Variants in PHOX2A observed in about 807,000 individuals in gnomAD.
The protein encoded by PHOX2A is paired mesoderm homeobox protein 2A.
PHOX2A carries 10 observed loss-of-function variants against 16.4 expected under a neutral mutation model. That is an observed-to-expected ratio of 0.61 (90% confidence interval 0.38 to 1.04). The LOEUF (loss-of-function observed/expected upper bound fraction) is 1.04, where lower values mean the gene tolerates loss of function less well. Among genes scored for constraint, PHOX2A ranks in the 50% least tolerant of loss-of-function variants. PHOX2A has a pLI of 0.01. For missense variants in PHOX2A, 361 were observed against 419.4 expected, an observed-to-expected ratio of 0.86 and a Z score of 1.22; for synonymous variants, 219 against 203.8, an observed-to-expected ratio of 1.07 and a Z score of -0.64.
rs1166106486 is a variant in PHOX2A at position 72,239,318 on chromosome 11, G to C, written c.*431C>G. 6.4e-6 allele frequency: 1 copy of C among 157,216 alleles called. No homozygotes were observed. The highest frequency in any genetic ancestry group is 1.4e-5 in the Non-Finnish European group (1 of 71,646). The allele number at this position is 157,216 out of a possible 1,614,324, so 9.7% of individuals were successfully genotyped here. On this transcript the variant is annotated 3_prime_UTR_variant, in exon 3 of 3. Transcript: ENST00000298231. ...ATTATCCCGGCGACCACCAGCCTCT[G>C]TACGGGTGGGCCCGAGGGGTGGGGC... is the stretch of plus-strand genomic sequence containing the variant.
At chr11:72,242,437 G>T (rs1161978576) in intron 1 of PHOX2A, among the ~76,000 whole-genome samples, 1 of 151,964 alleles carries the variant, frequency 6.6e-6, no homozygotes, top group Non-Finnish European at 1.5e-5. Context: ...AGGATTTCCA[G>T]TGCTTCCATC....
chr11:72,240,075 A>T lies in PHOX2A; in HGVS notation c.529T>A (p.Ser177Thr), dbSNP rs1949102365. 3.9e-6 allele frequency: 6 copies of T among 1,530,528 alleles called. No individual in the cohort carries two copies. Among genetic ancestry groups the T allele is most frequent in the Non-Finnish European group, 4.4e-6 (5 of 1,143,538 alleles). The allele number at this position is 1,530,528 out of a possible 1,614,324, so 94.8% of individuals were successfully genotyped here. ...EARCSSEDDDSKESTCSPTPD... is the reference protein window; with the variant it reads ...EARCSSEDDDTKESTCSPTPD... ...GTGGGGCTGCACGTGGACTCCTTGG[A>T]ATCGTCGTCCTCGGAGGAGCAGCGC... The change falls in exon 3 of 3, where the codon TCC becomes ACC. Residue 177 changes from serine (S) to threonine (T), a missense_variant. Transcript: ENST00000298231.
chr11:72,239,891 C>A lies in PHOX2A; in HGVS notation c.713G>T (p.Gly238Val). The A allele has an allele frequency of 1.5e-6, 2 of 1,354,970 alleles. No individual in the cohort carries two copies. The highest frequency in any genetic ancestry group is 1.9e-6 in the Non-Finnish European group (2 of 1,042,156). 83.9% of individuals were successfully genotyped at this position (1,354,970 alleles called of 1,614,324 possible). Residue 238 changes from glycine (G) to valine (V), a missense_variant, in exon 3 of 3, where the codon GGT becomes GTT. This residue lies in a region of PHOX2A where 55 missense variants were observed against 101.6 expected (regional missense o/e 0.54). Coordinates refer to ENST00000298231, the MANE Select transcript of PHOX2A (RefSeq NM_005169.4). ...TCCCGCGCCAGGCCCGCCGCCCCCA[C>A]CGCCCGCCACACCGGCCCACAGTGC... ...KGALWAGVAG[G>V]GGGGPGAGAA...
chr11:72,243,778 C>A lies in PHOX2A; in HGVS notation c.217+10G>T. On this transcript the variant is annotated intron_variant, in intron 1 of 2. Coordinates refer to ENST00000298231, the MANE Select transcript of PHOX2A (RefSeq NM_005169.4). ...AATTGGAGGGAGGGTTGGGCCGGGG[C>A]TGCGCTCACCTGCCGAGTAGGGCGC... The A allele has an allele frequency of 8.1e-7, 1 of 1,240,686 alleles. No homozygotes were observed. The highest frequency in any genetic ancestry group is 3.4e-5 in the South Asian group (1 of 29,768). The allele number at this position is 1,240,686 out of a possible 1,614,324, so 76.9% of individuals were successfully genotyped here. A position where few individuals can be genotyped will look rare whatever the true frequency, so the allele number is the denominator to read the frequency against.
chr11:72,240,754 C>T (rs1949111141), intron 2 of PHOX2A, among the ~76,000 whole-genome samples: 1 of 152,182 alleles, frequency 6.6e-6, no homozygotes. Context: ...GTAGGGAACC[C>T]CAGGGGTGCT....
In PHOX2A at chr11:72,241,162, G is replaced by A; in HGVS notation, c.345C>T (p.Pro115=). The change falls in exon 2 of 3, where the codon CCC becomes CCT. Residue 115 remains proline (P), a synonymous_variant. Coordinates refer to ENST00000298231, the MANE Select transcript of PHOX2A (RefSeq NM_005169.4). ...LERVFAETHY[P]DIYTREELAL... ...CCAGCTCCTCACGCGTGTAAATGTC[G>A]GGGTAGTGGGTCTCAGCGAAAACGC... 2 of 1,614,012 alleles carry A rather than the reference G, an allele frequency of 1.2e-6. No homozygotes were observed. The highest frequency in any genetic ancestry group is 1.7e-6 in the Non-Finnish European group (2 of 1,180,028).
intron 1 of PHOX2A, 33 bp from the exon 2 acceptor site, chr11:72,241,322 G>T: frequency 1.6e-6 from 1 of 626,608 alleles, no homozygotes; most frequent in Non-Finnish European, 2.7e-6. Context: ...CGGGGGGGGG[G>T]CAAAAAGGAT....
chr11:72,242,326 A>C (rs1454420927), intron 1 of PHOX2A, among the ~76,000 whole-genome samples: 1 of 151,792 alleles, frequency 6.6e-6, no homozygotes, highest in Non-Finnish European at 1.5e-5. Flanking sequence ...CCAGCACCCC[A>C]TTTGTATTCT....
chr11:72,243,123 T>G (rs1370387724), intron 1 of PHOX2A, among the ~76,000 whole-genome samples: 1 of 152,188 alleles, frequency 6.6e-6, no homozygotes, highest in African/African-American at 2.4e-5. Flanking sequence ...ATCTAAAGTC[T>G]TGGGGATGCA....
In PHOX2A at chr11:72,240,004, C is replaced by G. The variant is rs759626324; in HGVS notation, c.600G>C (p.Leu200=). ...GGCTGGGGCTCAGGCGCGGGCTGGC[C>G]AGGCCGGGCGCAGGCGGCGGCGGCA... The part of the protein sequence containing the change: ...ASLPPPPAPG[L]ASPRLSPSPL... Residue 200 remains leucine (L), a synonymous_variant, in exon 3 of 3, where the codon CTG becomes CTC. Coordinates refer to ENST00000298231, the MANE Select transcript of PHOX2A (RefSeq NM_005169.4). The G allele has an allele frequency of 3.6e-5, 51 of 1,413,092 alleles. 2 individuals carry two copies. In the South Asian group the frequency reaches 7.4e-4, roughly 21 times the overall value. 87.5% of individuals were successfully genotyped at this position (1,413,092 alleles called of 1,614,324 possible).
intron 1 of PHOX2A, 33 bp from the exon 2 acceptor site, chr11:72,241,322 G>GGGGCGGGGGGGGGGC: frequency 1.6e-6 from 1 of 626,612 alleles, no homozygotes; most frequent in Non-Finnish European, 2.7e-6. Flanking sequence ...CGGGGGGGGG[G>GGGGCGGGGGGGGGGC]CAAAAAGGAT....
At position 72,240,209 on chromosome 11, in the gene PHOX2A, AG is replaced by A. The variant is rs1416291226; in HGVS notation, c.406-12del. 1.3e-6 allele frequency: 2 copies of A among 1,533,838 alleles called. No homozygotes were observed. The highest frequency in any genetic ancestry group is 1.7e-6 in the Non-Finnish European group (2 of 1,145,452). ...GTTCTGGAACCAGACCTGCGGGCAC[AG>A]GGGCCAGTCAGCCTGGACGAGGGTC... On this transcript the variant is annotated splice_polypyrimidine_tract_variant and intron_variant, in intron 2 of 2. Transcript: ENST00000298231.
chr11:72,239,886 C>G lies in PHOX2A; in HGVS notation c.718G>C (p.Gly240Arg). Residue 240 changes from glycine to arginine, a missense_variant, in exon 3 of 3, where the codon GGC (glycine) becomes CGC (arginine). Transcript: ENST00000298231. ...ALWAGVAGGGGGGPGAGAAEL... is the reference protein window; with the variant it reads ...ALWAGVAGGGRGGPGAGAAEL... Reference sequence around the variant, plus strand: ...GCCGCTCCCGCGCCAGGCCCGCCGCCCCCACCGCCCGCCACACCGGCCCAC... The same window carrying G: ...GCCGCTCCCGCGCCAGGCCCGCCGCGCCCACCGCCCGCCACACCGGCCCAC... The G allele has an allele frequency of 7.4e-7, 1 of 1,360,032 alleles. No individual in the cohort carries two copies. The allele number at this position is 1,360,032 out of a possible 1,614,324, so 84.2% of individuals were successfully genotyped here.
At chr11:72,242,857 G>A (rs969413395) in intron 1 of PHOX2A, among the ~76,000 whole-genome samples, 39 of 151,822 alleles carry the variant, frequency 2.6e-4, no homozygotes, top group Admixed American at 2.0e-4. Flanking sequence ...AATGGAGATG[G>A]GGTTTCACCA....
chr11:72,243,389 C>T (rs964288459), intron 1 of PHOX2A, among the ~76,000 whole-genome samples: 3 of 151,934 alleles, frequency 2.0e-5, no homozygotes, highest in Admixed American at 6.5e-5. Flanking sequence ...TCATGCATCT[C>T]GTGGGGCAGC....
At position 72,241,108 on chromosome 11, in the gene PHOX2A, G is replaced by A. The variant is rs1949116382; in HGVS notation, c.399C>T (p.Arg133=). Residue 133 remains arginine, a synonymous_variant, in exon 2 of 3, where the codon CGC becomes CGT. Coordinates refer to ENST00000298231, the MANE Select transcript of PHOX2A (RefSeq NM_005169.4). Reference sequence around the variant, plus strand: ...CACACGTGCATACACGCACCTGCACGCGAGCCTCAGTGAGGTCGATCTTGA... The same window carrying A: ...CACACGTGCATACACGCACCTGCACACGAGCCTCAGTGAGGTCGATCTTGA... ...LALKIDLTEA[R]VQVWFQNRRA... is the part of the protein sequence containing the mutation. The A allele has an allele frequency of 6.2e-7, 1 of 1,613,860 alleles. No individual in the cohort carries two copies. Among genetic ancestry groups the A allele is most frequent in the East Asian group, 2.2e-5 (1 of 44,880 alleles).
At chr11:72,241,318 G>GGT in intron 1 of PHOX2A, 29 bp from the exon 2 acceptor site, 1 of 1,208,432 alleles carries the variant, frequency 8.3e-7, no homozygotes, top group Admixed American at 2.2e-5. Context: ...GGGCCGGGGG[G>GGT]GGGGCAAAAA....
chr11:72,242,043 C>T (rs1346857118), intron 1 of PHOX2A, among the ~76,000 whole-genome samples: 1 of 151,908 alleles, frequency 6.6e-6, no homozygotes, highest in African/African-American at 2.4e-5. Flanking sequence ...CCTCCATCTT[C>T]TCTTTGCGCC....
chr11:72,243,192 T>C (rs890145742), intron 1 of PHOX2A, among the ~76,000 whole-genome samples: 46 of 152,200 alleles, frequency 3.0e-4, no homozygotes, highest in African/African-American at 9.6e-4. Context: ...AATGGGGAAA[T>C]ACAAGTGGCT....
Sources: allele counts gnomAD v4.1 joint callset (sites outside exome capture counted in the v4.1 genomes callset), GRCh38; gene constraint gnomAD v4.1.1; regional missense constraint gnomAD v4.1.1; transcripts MANE v1.5; gene names NCBI Gene and HGNC (gene_info 2026-07-23, HGNC 2026-07-21).